The following CFHR2 variants were observed in gnomAD, a reference collection of about 807,000 sequenced individuals.
CFHR2 encodes the protein complement factor H-related protein 2.
CFHR2 carries 22 observed loss-of-function variants against 21.7 expected under a neutral mutation model. The observed-to-expected ratio is 1.01, with a 90% CI of 0.72 to 1.45. The LOEUF is 1.45. Among genes scored for constraint, CFHR2 ranks in the 40% most tolerant of loss-of-function variants. The pLI is 0.00. For missense variants in CFHR2, 294 were observed against 293.3 expected (o/e 1.00, Z -0.02); for synonymous variants, 98 against 97.4 (o/e 1.01, Z -0.04).
intron 2 of CFHR2, among the ~76,000 whole-genome samples, chr1:196,950,544 A>G (rs1263367767): frequency 6.6e-6 from 1 of 151,928 alleles, no homozygotes; most frequent in African/African-American, 2.4e-5. Context: ...TGCCATCTCG[A>G]CTCACTGCTA....
chr1:196,953,541 C>T (rs1319781850), intron 3 of CFHR2, among the ~76,000 whole-genome samples: 1 of 152,072 alleles, frequency 6.6e-6, no homozygotes, highest in Non-Finnish European at 1.5e-5. Context: ...CCTTGGTATC[C>T]CAAAGTGCTG....
At chr1:196,958,456 G>T (rs1652986716) in intron 4 of CFHR2, among the ~76,000 whole-genome samples, 4 of 151,366 alleles carry the variant, frequency 2.6e-5, no homozygotes, top group Non-Finnish European at 4.4e-5. Flanking sequence ...CTTAAAATCT[G>T]CTCTCTTTTC....
At chr1:196,958,833 G>A (rs1653003540) in intron 4 of CFHR2, 48 bp from the exon 5 acceptor site, 3 of 1,242,022 alleles carry the variant, frequency 2.4e-6, no homozygotes, top group South Asian at 2.7e-5. Context: ...AGTCTATGAA[G>A]ATTTGCATAC....
chr1:196,958,840 A>C (rs780705443), intron 4 of CFHR2, 41 bp from the exon 5 acceptor site: 2 of 1,292,864 alleles, frequency 1.5e-6, no homozygotes, highest in Non-Finnish European at 2.2e-6. Context: ...GAAGATTTGC[A>C]TACTACTTAA....
chr1:196,953,349 C>G (rs1010531837), intron 3 of CFHR2, among the ~76,000 whole-genome samples: 3 of 152,098 alleles, frequency 2.0e-5, no homozygotes, highest in African/African-American at 7.2e-5. Context: ...ATGGTGGGAT[C>G]TTGGCTCCCT....
intron 2 of CFHR2, 151 bp downstream of exon 2, chr1:196,949,800 C>T (rs1179612811): frequency 2.0e-6 from 2 of 977,874 alleles, no homozygotes; most frequent in Non-Finnish European, 3.1e-6. Context: ...TGAGATGGCT[C>T]CTATGAGAAT....
At chr1:196,958,771 A>T (rs1653000127) in intron 4 of CFHR2, 110 bp from the exon 5 acceptor site, 2 of 683,458 alleles carry the variant, frequency 2.9e-6, no homozygotes, top group Non-Finnish European at 4.9e-6. Flanking sequence ...TTTGGAAAGG[A>T]TTTTGAGAAG....
At position 196,950,918 on chromosome 1, in the gene CFHR2, G is replaced by A. The variant is rs760436361; in HGVS notation, c.320G>A (p.Gly107Asp). 2 of 1,613,844 alleles carry A rather than the reference G, an allele frequency of 1.2e-6. No individual in the cohort carries two copies. Among genetic ancestry groups the A allele is most frequent in the African/African-American group, 2.7e-5 (2 of 74,878 alleles). ...SESSGQTHLEGDTVQIICNTG... is the reference protein window; with the variant it reads ...SESSGQTHLEDDTVQIICNTG... ...TCTTCAGGACAAACACATCTGGAAG[G>A]TGATACTGTACAAATTATTTGCAAC... The change falls in exon 3 of 5, where the codon GGT (glycine) becomes GAT (aspartate). Residue 107 changes from glycine (G) to aspartate (D), a missense_variant. Physicochemically the swap from Gly to Asp is moderately conservative, Grantham distance 94. Transcript: ENST00000367415.
chr1:196,947,033 C>T (rs1173568678), intron 1 of CFHR2, among the ~76,000 whole-genome samples: 1 of 152,024 alleles, frequency 6.6e-6, no homozygotes, highest in Non-Finnish European at 1.5e-5. Context: ...AATTTTTCAG[C>T]TACACTATAA....
chr1:196,950,491 T>A (rs1659683994), intron 2 of CFHR2, among the ~76,000 whole-genome samples: 1 of 152,032 alleles, frequency 6.6e-6, no homozygotes, highest in African/African-American at 2.4e-5. Context: ...GTTTTGTTTT[T>A]GAGACAGAGT....
intron 1 of CFHR2, among the ~76,000 whole-genome samples, chr1:196,948,451 T>G (rs1659600043): frequency 5.9e-5 from 9 of 151,892 alleles, no homozygotes; most frequent in Admixed American, 5.9e-4. Context: ...AATTTTTGTA[T>G]TTTTAGTAGA....
At chr1:196,958,122 G>A (rs746558623) in intron 4 of CFHR2, 49 bp downstream of exon 4, 1 of 1,541,638 alleles carries the variant, frequency 6.5e-7, no homozygotes, top group Non-Finnish European at 9.0e-7. Flanking sequence ...AGTGTGATGA[G>A]TCTGATATTT....
At chr1:196,947,153 G>GTATATATA (rs1553309310) in intron 1 of CFHR2, among the ~76,000 whole-genome samples, 3 of 151,774 alleles carry the variant, frequency 2.0e-5, no homozygotes, top group African/African-American at 7.3e-5. Flanking sequence ...GTGTGTGTGT[G>GTATATATA]TATCCCAGAA....
At chr1:196,956,487 C>T (rs2125013665) in intron 3 of CFHR2, among the ~76,000 whole-genome samples, 2 of 151,970 alleles carry the variant, frequency 1.3e-5, no homozygotes, top group Non-Finnish European at 1.5e-5. Flanking sequence ...TCTGGATTGC[C>T]TCTCCTTATT....
chr1:196,955,227 A>C (rs1303208094), intron 3 of CFHR2, among the ~76,000 whole-genome samples: 3 of 152,214 alleles, frequency 2.0e-5, no homozygotes, highest in African/African-American at 7.2e-5. Context: ...TCTTTGCTAC[A>C]GCATAGCAAG....
At chr1:196,949,784 C>G (rs1659658367) in intron 2 of CFHR2, 135 bp downstream of exon 2, 1 of 1,125,640 alleles carries the variant, frequency 8.9e-7, no homozygotes, top group Non-Finnish European at 1.3e-6. Flanking sequence ...TGTAGTCCTT[C>G]TATTTTGAGA....
intron 3 of CFHR2, among the ~76,000 whole-genome samples, chr1:196,956,865 C>CA (rs955080194): frequency 2.0e-5 from 3 of 151,166 alleles, no homozygotes; most frequent in African/African-American, 7.4e-5. Flanking sequence ...TACTCGATTG[C>CA]AAAAATCTTA....
chr1:196,947,657 T>G lies in CFHR2; in HGVS notation c.59-1798T>G, dbSNP rs1659560126. 2.0e-5 allele frequency among the ~76,000 whole-genome samples: 3 copies of G among 152,198 alleles called. No homozygotes were observed. The South Asian group carries it at 6.2e-4, about 32-fold the overall frequency. On this transcript the variant is annotated intron_variant, in intron 1 of 4. Coordinates refer to ENST00000367415, the MANE Select transcript of CFHR2 (RefSeq NM_005666.4). ...ATTTCTGTTGATTTGTCAGCTTAAT[T>G]TCTGCACACATCTTCCAAATAAGGT... is the stretch of plus-strand genomic sequence containing the variant.
rs138735331 is a variant in CFHR2, at chr1:196,947,485, T to C, written c.59-1970T>C. Among the ~76,000 whole-genome samples the C allele has an allele frequency of 7.7e-3, 1,168 of 152,286 alleles. 19 individuals are homozygous for C. The highest frequency in any genetic ancestry group is 0.027 in the African/African-American group (1,114 of 41,570). ...TTATGGTAGGTTAATACTATCAAGATGGGAGTCTTTCCCTCAATACCTTTA... is the reference window on the plus strand; with the variant it reads ...TTATGGTAGGTTAATACTATCAAGACGGGAGTCTTTCCCTCAATACCTTTA... On this transcript the variant is annotated intron_variant, in intron 1 of 4. Coordinates refer to ENST00000367415, the MANE Select transcript of CFHR2 (RefSeq NM_005666.4).
Sources: gnomAD v4.1 joint callset for allele counts (sites outside exome capture counted in the v4.1 genomes callset) on GRCh38, gnomAD v4.1.1 for gene constraint, MANE v1.5 for transcripts, NCBI Gene and HGNC (gene_info 2026-07-23, HGNC 2026-07-21) for gene names.